The following CCDC102B variants were observed in gnomAD, a reference collection of about 807,000 sequenced individuals.
CCDC102B encodes the protein coiled-coil domain containing 102B.
Under a neutral mutation model 57.4 loss-of-function variants are expected in CCDC102B, and 75 were observed. The ratio of observed to expected loss-of-function variants is 1.31; its 90% CI spans 1.08 to 1.58. The LOEUF (loss-of-function observed/expected upper bound fraction) is 1.58, where lower values mean the gene tolerates loss of function less well. Among genes scored for constraint, CCDC102B ranks in the 40% most tolerant of loss-of-function variants. The pLI is 0.00. For missense variants in CCDC102B, 636 were observed against 582.6 expected (o/e 1.09, Z -0.94); for synonymous variants, 206 against 201.9 (o/e 1.02, Z -0.17).
intron 6 of CCDC102B, among the ~76,000 whole-genome samples, chr18:68,958,424 T>C (rs551783565): frequency 2.6e-5 from 4 of 152,354 alleles, no homozygotes; most frequent in Non-Finnish European, 4.4e-5. Flanking sequence ...TGTTTAACTA[T>C]TCTTGCTTCC....
intron 6 of CCDC102B, among the ~76,000 whole-genome samples, chr18:68,981,133 A>G (rs2050569224): frequency 6.6e-6 from 1 of 152,000 alleles, no homozygotes; most frequent in East Asian, 1.9e-4. Context: ...GCATGTTTTA[A>G]TTAATACTAA....
chr18:68,716,952 C>T (rs953337794), intron 2 of CCDC102B, among the ~76,000 whole-genome samples: 1 of 152,072 alleles, frequency 6.6e-6, no homozygotes, highest in Non-Finnish European at 1.5e-5. Context: ...GTGGCAGACA[C>T]CTGTGGTCCC....
intron 7 of CCDC102B, among the ~76,000 whole-genome samples, chr18:69,052,074 T>C (rs2052720265): frequency 6.6e-6 from 1 of 151,528 alleles, no homozygotes; most frequent in Admixed American, 6.6e-5. Context: ...ATGATAAACC[T>C]GCCAAAAATG....
intron 4 of CCDC102B, among the ~76,000 whole-genome samples, chr18:68,869,183 G>A (rs1203474894): frequency 6.6e-6 from 1 of 152,174 alleles, no homozygotes; most frequent in African/African-American, 2.4e-5. Context: ...ATTTATGAAT[G>A]TAGAAAGGAA....
intron 5 of CCDC102B, among the ~76,000 whole-genome samples, chr18:68,885,090 G>C (rs983093827): frequency 7.2e-5 from 11 of 151,732 alleles, no homozygotes; most frequent in Admixed American, 2.0e-4. Flanking sequence ...ACATTGATTA[G>C]CCCAAAAATA....
intron 6 of CCDC102B, among the ~76,000 whole-genome samples, chr18:68,950,210 T>C (rs184540161): frequency 1.2e-4 from 19 of 152,212 alleles, no homozygotes; most frequent in Non-Finnish European, 2.1e-4. Flanking sequence ...GATGTAAATA[T>C]GAGAAAGTGT....
intron 2 of CCDC102B, among the ~76,000 whole-genome samples, chr18:68,744,961 T>A (rs1287195421): frequency 6.6e-6 from 1 of 152,160 alleles, no homozygotes; most frequent in Non-Finnish European, 1.5e-5. Flanking sequence ...GTTTCCTTCC[T>A]CTAGGAAAAT....
chr18:69,013,064 G>T (rs2145399272), intron 7 of CCDC102B, among the ~76,000 whole-genome samples: 1 of 151,974 alleles, frequency 6.6e-6, no homozygotes, highest in African/African-American at 2.4e-5. Flanking sequence ...AAAGATACCT[G>T]CCCCTGTATG....
intron 1 of CCDC102B, among the ~76,000 whole-genome samples, chr18:68,833,354 G>A (rs1599534882): frequency 7.1e-6 from 1 of 141,768 alleles, no homozygotes; most frequent in Non-Finnish European, 1.5e-5. Flanking sequence ...GAACATTTTT[G>A]TAAATTTCAT....
chr18:68,767,397 C>A (rs2034504466), intron 2 of CCDC102B, among the ~76,000 whole-genome samples: 1 of 152,198 alleles, frequency 6.6e-6, no homozygotes, highest in Non-Finnish European at 1.5e-5. Flanking sequence ...CAGCTGGCAG[C>A]TGTCTGCAAG....
At chr18:68,980,754 G>A (rs577852040) in intron 6 of CCDC102B, among the ~76,000 whole-genome samples, 1 of 152,130 alleles carries the variant, frequency 6.6e-6, no homozygotes, top group Non-Finnish European at 1.5e-5. Context: ...GAAATGGCAG[G>A]GCAGTCTTTG....
At chr18:69,022,646 A>G (rs7241924) in intron 7 of CCDC102B, among the ~76,000 whole-genome samples, 132,602 of 152,000 alleles carry the variant, frequency 0.87, 58,779 homozygotes, top group Non-Finnish European at 0.96. Context: ...ATGCAAATAC[A>G]TTCTTTTTAT....
chr18:68,748,213 TGTGTGTG>T lies in CCDC102B; in HGVS notation c.-67+31620_-67+31626del, dbSNP rs1568230313. ...TTGTCCATTATTAAACTGGTGTGTG[TGTGTGTG>T]TGTGTGTGTGTGTGTGTGTGTGTGT... is the stretch of plus-strand genomic sequence containing the variant. On this transcript the variant is annotated intron_variant, in intron 2 of 3. Coordinates refer to the CCDC102B transcript ENST00000578970. Among the ~76,000 whole-genome samples the T allele has an allele frequency of 7.4e-3, 346 of 46,924 alleles. 2 individuals carry two copies. The highest frequency in any genetic ancestry group is 0.025 in the African/African-American group (324 of 13,000). The allele number at this position is 46,924 out of a possible 152,430, so 30.8% of individuals were successfully genotyped here.
At chr18:68,785,826 A>T (rs2035187531) in intron 2 of CCDC102B, among the ~76,000 whole-genome samples, 1 of 151,400 alleles carries the variant, frequency 6.6e-6, no homozygotes, top group Admixed American at 6.6e-5. Context: ...GAAGTTCTTT[A>T]GTTTAATTAG....
chr18:69,049,515 T>C (rs551970260), intron 7 of CCDC102B, among the ~76,000 whole-genome samples: 2 of 152,140 alleles, frequency 1.3e-5, no homozygotes, highest in East Asian at 1.9e-4. Flanking sequence ...TTCCCCAACA[T>C]TGTAAAATAT....
At chr18:68,823,835 G>T (rs1029605816) in intron 1 of CCDC102B, among the ~76,000 whole-genome samples, 18 of 151,848 alleles carry the variant, frequency 1.2e-4, no homozygotes, top group African/African-American at 4.1e-4. Flanking sequence ...TCACATGTTT[G>T]TTGACTTATT....
chr18:68,796,900 G>A (rs1304441643), upstream of CCDC102B, among the ~76,000 whole-genome samples: 1 of 151,648 alleles, frequency 6.6e-6, no homozygotes, highest in East Asian at 1.9e-4. Context: ...AAAATCAGGT[G>A]GATGCAAGAC....
chr18:68,938,418 T>TA (rs1245783790), intron 6 of CCDC102B, among the ~76,000 whole-genome samples: 2 of 151,994 alleles, frequency 1.3e-5, no homozygotes, highest in Non-Finnish European at 2.9e-5. Flanking sequence ...AAGGCTCAGT[T>TA]AAAATTAGAA....
At chr18:68,785,526 G>T (rs1009499793) in intron 2 of CCDC102B, among the ~76,000 whole-genome samples, 19 of 151,434 alleles carry the variant, frequency 1.3e-4, no homozygotes, top group Admixed American at 5.9e-4. Flanking sequence ...CATTCTAACT[G>T]GTGTGAGATG....
Sources: allele counts gnomAD v4.1 joint callset (sites outside exome capture counted in the v4.1 genomes callset), GRCh38; gene constraint gnomAD v4.1.1; transcripts MANE v1.5; gene names NCBI Gene and HGNC (gene_info 2026-07-23, HGNC 2026-07-21).